The following LAMA3 variants were observed in gnomAD, a reference collection of about 807,000 sequenced individuals.
LAMA3 encodes the protein laminin subunit alpha-3.
A neutral mutation model predicts 402.0 loss-of-function variants in LAMA3; 281 were observed. The ratio of observed to expected loss-of-function variants is 0.70; its 90% CI spans 0.63 to 0.77. The LOEUF (loss-of-function observed/expected upper bound fraction) is 0.77, where lower values mean the gene tolerates loss of function less well. Ranked by LOEUF, LAMA3 falls within the 30% of genes least tolerant of loss-of-function variation. The probability of loss-of-function intolerance (pLI) is 0.00; values close to 1 mark genes in which losing one functional copy is unlikely to be tolerated. For missense variants in LAMA3, 3,840 were observed against 4,215.5 expected (o/e 0.91, Z 2.47); for synonymous variants, 1,431 against 1,558.4 (o/e 0.92, Z 1.93).
rs117730535 is a variant in LAMA3 at position 23,824,152 on chromosome 18, A to G, written c.2429-271A>G. ...CAAGGCACTTTCCTAAACTGTTTAC[A>G]AGTATTAATATACTTATTTAATAAG... On this transcript the variant is annotated intron_variant, in intron 20 of 74. Coordinates refer to ENST00000313654, the MANE Select transcript of LAMA3 (RefSeq NM_198129.4). Among the ~76,000 whole-genome samples, 1,283 of 152,382 alleles carry G rather than the reference A, an allele frequency of 8.4e-3. 9 individuals carry two copies. Among genetic ancestry groups the G allele is most frequent in the Non-Finnish European group, 0.012 (807 of 68,046 alleles).
intron 41 of LAMA3, 146 bp downstream of exon 41, chr18:23,884,999 C>T (rs946139325): frequency 1.7e-5 from 10 of 589,882 alleles, no homozygotes; most frequent in South Asian, 1.1e-4. Flanking sequence ...AAATACAAGA[C>T]TGCTCACCTA....
intron 8 of LAMA3, among the ~76,000 whole-genome samples, chr18:23,763,933 T>C (rs1347141992): frequency 6.6e-6 from 1 of 152,192 alleles, no homozygotes; most frequent in East Asian, 1.9e-4. Context: ...TCATGATCAA[T>C]TAATGATGTC....
intron 2 of LAMA3, among the ~76,000 whole-genome samples, chr18:23,740,306 A>G (rs2061541035): frequency 6.6e-6 from 1 of 152,214 alleles, no homozygotes; most frequent in Non-Finnish European, 1.5e-5. Flanking sequence ...ACTGAAAATT[A>G]TGCCATATGT....
chr18:23,694,655 A>C (rs2060651098), intron 1 of LAMA3, among the ~76,000 whole-genome samples: 1 of 152,216 alleles, frequency 6.6e-6, no homozygotes, highest in Admixed American at 6.5e-5. Context: ...CTGGCTGCAG[A>C]ATTCACGCTC....
intron 62 of LAMA3, among the ~76,000 whole-genome samples, chr18:23,923,064 G>A (rs562060977): frequency 6.6e-6 from 1 of 152,352 alleles, no homozygotes; most frequent in East Asian, 1.9e-4. Flanking sequence ...GATGCTAGCA[G>A]TCAGTGTATG....
chr18:23,699,659 C>G (rs1220580541), intron 1 of LAMA3, among the ~76,000 whole-genome samples: 1 of 152,194 alleles, frequency 6.6e-6, no homozygotes, highest in Non-Finnish European at 1.5e-5. Flanking sequence ...CTAGATGTGG[C>G]CTGGCCCACA....
intron 2 of LAMA3, among the ~76,000 whole-genome samples, chr18:23,736,777 G>A (rs1211658665): frequency 6.6e-6 from 1 of 152,112 alleles, no homozygotes; most frequent in South Asian, 2.1e-4. Context: ...GGAAGACAAA[G>A]GGATGAGAGA....
At chr18:23,818,753 AT>A (rs1444644586) in intron 18 of LAMA3, among the ~76,000 whole-genome samples, 1 of 152,226 alleles carries the variant, frequency 6.6e-6, no homozygotes, top group Non-Finnish European at 1.5e-5. Context: ...TTGTCTATGA[AT>A]TAAAAATTAG....
chr18:23,772,325 C>T (rs541701094), intron 8 of LAMA3, among the ~76,000 whole-genome samples: 1 of 152,358 alleles, frequency 6.6e-6, no homozygotes, highest in African/African-American at 2.4e-5. Context: ...CAGGCGTGAG[C>T]CACTGCACCT....
intron 64 of LAMA3, among the ~76,000 whole-genome samples, chr18:23,930,771 A>C (rs899821907): frequency 6.6e-6 from 1 of 152,190 alleles, no homozygotes. Flanking sequence ...GAAATGATTT[A>C]ACTGTTTTGT....
chr18:23,781,317 G>C (rs1303028574), intron 11 of LAMA3: 1 of 455,654 alleles, frequency 2.2e-6, no homozygotes, highest in East Asian at 7.0e-5. Context: ...ATGCCATCCT[G>C]GGTTCCAAGG....
chr18:23,778,681 C>T (rs2062373866), intron 11 of LAMA3, among the ~76,000 whole-genome samples: 1 of 152,214 alleles, frequency 6.6e-6, no homozygotes. Flanking sequence ...CTCATGCTCA[C>T]ATCTCCTGAG....
At chr18:23,927,514 G>A (rs554735664) in intron 62 of LAMA3, among the ~76,000 whole-genome samples, 109 of 152,270 alleles carry the variant, frequency 7.2e-4, no homozygotes, top group African/African-American at 2.3e-3. Context: ...CCACAGGTAG[G>A]AGGTGGTAGA....
chr18:23,732,826 G>A (rs886659120), intron 2 of LAMA3, among the ~76,000 whole-genome samples: 1 of 152,046 alleles, frequency 6.6e-6, no homozygotes, highest in Non-Finnish European at 1.5e-5. Context: ...TGACATACTA[G>A]GGGTGTTGTA....
At chr18:23,702,845 G>C (rs2060815927) in intron 1 of LAMA3, among the ~76,000 whole-genome samples, 1 of 152,118 alleles carries the variant, frequency 6.6e-6, no homozygotes, top group African/African-American at 2.4e-5. Context: ...CTAATTCTCA[G>C]GTTCTATCTT....
chr18:23,954,172 C>T (rs541560416), intron 74 of LAMA3, among the ~76,000 whole-genome samples: 92 of 152,000 alleles, frequency 6.1e-4, no homozygotes, highest in African/African-American at 2.1e-3. Flanking sequence ...GAGGCTGAGG[C>T]GGGAGGATCA....
chr18:23,770,602 A>G (rs1473580787), intron 8 of LAMA3, among the ~76,000 whole-genome samples: 1 of 152,116 alleles, frequency 6.6e-6, no homozygotes. Context: ...TCTACTAAAA[A>G]TACCAAAAAT....
Position 23,916,643 on chromosome 18 carries a change from A to T in LAMA3, c.7871A>T (p.Gln2624Leu). The T allele has an allele frequency of 1.2e-6, 2 of 1,614,220 alleles. No homozygotes were observed. Among genetic ancestry groups the T allele is most frequent in the Non-Finnish European group, 1.7e-6 (2 of 1,180,018 alleles). The change falls in exon 60 of 75, where the codon CAG becomes CTG. Residue 2624 changes from glutamine to leucine, a missense_variant. Gln to Leu is a moderately radical substitution (Grantham distance 113). Coordinates refer to ENST00000313654, the MANE Select transcript of LAMA3 (RefSeq NM_198129.4). Reference sequence around the variant, plus strand: ...CATGCTCCCATCCCAACCTTTGGACAGACAATTCAGACCACCGTGGATAGA... The same window carrying T: ...CATGCTCCCATCCCAACCTTTGGACTGACAATTCAGACCACCGTGGATAGA... ...QPHAPIPTFG[Q>L]TIQTTVDRGL...
rs373515232 is a variant in LAMA3, at chr18:23,951,769, C to T, written c.9728C>T (p.Ser3243Leu). Residue 3243 changes from serine to leucine, a missense_variant, in exon 73 of 75, where the codon TCG becomes TTG. Transcript: ENST00000313654. Reference protein sequence around the residue: ...KQSLCDGQWHSVAVTIKQHIL... With the variant: ...KQSLCDGQWHLVAVTIKQHIL... Reference sequence around the variant, plus strand: ...TCTCTGTGTGATGGACAGTGGCACTCGGTGGCAGGTATGTTGTCCAGTAGC... The same window carrying T: ...TCTCTGTGTGATGGACAGTGGCACTTGGTGGCAGGTATGTTGTCCAGTAGC... 1.2e-5 allele frequency: 20 copies of T among 1,612,188 alleles called. No individual in the cohort carries two copies. Among genetic ancestry groups the T allele is most frequent in the East Asian group, 2.2e-5 (1 of 44,880 alleles).
Sources: allele counts gnomAD v4.1 joint callset (sites outside exome capture counted in the v4.1 genomes callset), GRCh38; gene constraint gnomAD v4.1.1; transcripts MANE v1.5; gene names NCBI Gene and HGNC (gene_info 2026-07-23, HGNC 2026-07-21).